The following NNMT variants were observed in gnomAD, a reference collection of about 807,000 sequenced individuals.
The protein encoded by NNMT is nicotinamide N-methyltransferase.
In NNMT, 10 loss-of-function variants were observed where a neutral mutation model predicts 11.7. That is an observed-to-expected ratio of 0.85 (90% CI 0.53 to 1.45). The LOEUF is 1.45. Among genes scored for constraint, NNMT ranks in the 40% most tolerant of loss-of-function variants. The pLI is 0.00. For missense variants in NNMT, 381 were observed against 319.4 expected (o/e 1.19, Z -1.47); for synonymous variants, 143 against 133.8 (o/e 1.07, Z -0.48).
At position 114,278,460 on chromosome 11, in the gene NNMT, C is replaced by G. The variant is rs1453852091; in HGVS notation, c.-130+15526C>G. ...ATATCAGCTACATCAAGAATGTTCT[C>G]TTTGTACTTAGGTACAAAGGTTGTG... On this transcript the variant is annotated intron_variant, in intron 2 of 4. Transcript: ENST00000535401. Among the ~76,000 whole-genome samples the G allele has an allele frequency of 2.6e-5, 4 of 152,250 alleles. No individual in the cohort carries two copies. The East Asian group carries it at 5.8e-4, about 22-fold the overall frequency.
Position 114,296,707 on chromosome 11 carries a change from C to T in NNMT, c.151C>T (p.Leu51=). ...LLKNLFKIFC[L]DGVKGDLLID... ...GAAAAATCTTTTCAAGATATTCTGC[C>T]TAGGTAAGTCTGTTGTCTGCATGTC... Residue 51 remains leucine (L), a synonymous_variant, in exon 1 of 3, where the codon CTA becomes TTA. Coordinates refer to ENST00000299964, the MANE Select transcript of NNMT (RefSeq NM_006169.3). 1 of 1,614,084 alleles carries T rather than the reference C, an allele frequency of 6.2e-7. No homozygotes were observed.
intron 2 of NNMT, among the ~76,000 whole-genome samples, chr11:114,310,451 C>T (rs550561643): frequency 5.9e-5 from 9 of 152,178 alleles, no homozygotes; most frequent in South Asian, 2.1e-4. Flanking sequence ...TGATTATATT[C>T]GCTAGGATTA....
chr11:114,296,817 G>T (rs555090113), intron 1 of NNMT, 107 bp downstream of exon 1: 2 of 1,062,642 alleles, frequency 1.9e-6, no homozygotes, highest in Non-Finnish European at 2.8e-6. Flanking sequence ...AGCCCTTTTG[G>T]CATCACCCAT....
At chr11:114,290,451 T>G (rs931408008) in intron 2 of NNMT, among the ~76,000 whole-genome samples, 3 of 152,178 alleles carry the variant, frequency 2.0e-5, no homozygotes, top group Non-Finnish European at 4.4e-5. Context: ...GTGTCTAAAA[T>G]TGGAGTGTAA....
chr11:114,294,579 T>C (rs909801261), upstream of NNMT, among the ~76,000 whole-genome samples: 1 of 151,028 alleles, frequency 6.6e-6, no homozygotes, highest in African/African-American at 2.4e-5. Flanking sequence ...CCTTCAAAAA[T>C]AACTAGACAA....
At chr11:114,262,469 C>T (rs1166316618) in intron 1 of NNMT, among the ~76,000 whole-genome samples, 1 of 152,088 alleles carries the variant, frequency 6.6e-6, no homozygotes, top group African/African-American at 2.4e-5. Context: ...GGTTTTTTGT[C>T]GAACTGCCCT....
At chr11:114,288,764 C>T (rs1022133892) in intron 2 of NNMT, among the ~76,000 whole-genome samples, 1 of 152,076 alleles carries the variant, frequency 6.6e-6, no homozygotes. Context: ...AGTAATATGT[C>T]CAAAATGCTT....
At chr11:114,301,548 T>G (rs552478104) in intron 2 of NNMT, among the ~76,000 whole-genome samples, 1 of 152,108 alleles carries the variant, frequency 6.6e-6, no homozygotes, top group East Asian at 1.9e-4. Flanking sequence ...TCCAACTATA[T>G]GACATTCTGG....
rs115564590 is a variant in NNMT at position 114,266,354 on chromosome 11, C to T, written c.-130+3420C>T. On this transcript the variant is annotated intron_variant, in intron 2 of 4. Coordinates refer to the NNMT transcript ENST00000535401. ...CTATCACAGGGCTCTTTCTAACTAG[C>T]TATCTTGCTCTTCTTCTGCCAGCAA... is the stretch of plus-strand genomic sequence containing the variant. Among the ~76,000 whole-genome samples, 760 of 152,272 alleles carry T rather than the reference C, an allele frequency of 5.0e-3. 3 individuals carry two copies. Among genetic ancestry groups the T allele is most frequent in the African/African-American group, 0.017 (725 of 41,550 alleles).
chr11:114,268,618 A>T (rs1945142219), intron 2 of NNMT, among the ~76,000 whole-genome samples: 1 of 152,124 alleles, frequency 6.6e-6, no homozygotes, highest in Admixed American at 6.5e-5. Flanking sequence ...AAATACAAAA[A>T]ATTAGCTGGG....
intron 2 of NNMT, 122 bp downstream of exon 2, chr11:114,298,280 G>A (rs551231175): frequency 1.4e-4 from 107 of 772,246 alleles, no homozygotes; most frequent in African/African-American, 1.3e-3. Flanking sequence ...ACGAGAGAGC[G>A]AGAGCAAGAG....
intron 2 of NNMT, among the ~76,000 whole-genome samples, chr11:114,303,646 C>A (rs774825817): frequency 1.6e-4 from 25 of 152,222 alleles, no homozygotes; most frequent in Non-Finnish European, 3.4e-4. Context: ...CACTCTTACA[C>A]ATGAACAAAA....
chr11:114,281,223 G>T (rs1324511321), intron 2 of NNMT, among the ~76,000 whole-genome samples: 1 of 152,132 alleles, frequency 6.6e-6, no homozygotes, highest in Non-Finnish European at 1.5e-5. Flanking sequence ...CAGCAGATGG[G>T]GCACAATTAG....
intron 2 of NNMT, among the ~76,000 whole-genome samples, chr11:114,272,619 C>T (rs67227065): frequency 0.27 from 41,560 of 152,032 alleles, 6,032 homozygotes; most frequent in East Asian, 0.4. Flanking sequence ...CTTTGATGGT[C>T]CTGAGTGAAG....
chr11:114,282,209 G>A (rs537602167), intron 2 of NNMT, among the ~76,000 whole-genome samples: 1 of 152,294 alleles, frequency 6.6e-6, no homozygotes, highest in South Asian at 2.1e-4. Flanking sequence ...GGGCCACAGA[G>A]TGAGACCCTG....
rs989140475 is a variant in NNMT, at chr11:114,263,455, C to G, written c.-130+521C>G. On this transcript the variant is annotated intron_variant, in intron 2 of 4. Coordinates refer to the NNMT transcript ENST00000535401. ...CTTAGCAGCTCCAGAGCTGAGCTCTCTCCTACCAGGAGCTTGCGTCGAGAG... is the reference window on the plus strand; with the variant it reads ...CTTAGCAGCTCCAGAGCTGAGCTCTGTCCTACCAGGAGCTTGCGTCGAGAG... 2.6e-5 allele frequency among the ~76,000 whole-genome samples: 4 copies of G among 152,342 alleles called. No individual in the cohort carries two copies. The South Asian group carries it at 6.2e-4, about 24-fold the overall frequency.
intron 2 of NNMT, among the ~76,000 whole-genome samples, chr11:114,291,308 C>T (rs1945332846): frequency 6.6e-6 from 1 of 152,136 alleles, no homozygotes; most frequent in Admixed American, 6.5e-5. Context: ...ATTTCCCTTT[C>T]TCCCTCTGCT....
At chr11:114,305,233 G>T (rs1463602366) in intron 2 of NNMT, among the ~76,000 whole-genome samples, 1 of 152,228 alleles carries the variant, frequency 6.6e-6, no homozygotes, top group African/African-American at 2.4e-5. Context: ...CACACAGGTG[G>T]GTGGGAATCA....
At chr11:114,263,240 C>T (rs769825706) in intron 2 of NNMT, among the ~76,000 whole-genome samples, 1 of 152,124 alleles carries the variant, frequency 6.6e-6, no homozygotes, top group Non-Finnish European at 1.5e-5. Context: ...AGAAAACAAG[C>T]ACCAATGAAA....
Sources: gnomAD v4.1 joint callset for allele counts (sites outside exome capture counted in the v4.1 genomes callset) on GRCh38, gnomAD v4.1.1 for gene constraint, MANE v1.5 for transcripts, NCBI Gene and HGNC (gene_info 2026-07-23, HGNC 2026-07-21) for gene names.